Variants in DPYD observed in about 807,000 individuals in gnomAD.
The protein encoded by DPYD is dihydropyrimidine dehydrogenase.
Under a neutral mutation model 116.2 loss-of-function variants are expected in DPYD, and 109 were observed. That is an observed-to-expected ratio of 0.94 (90% confidence interval 0.80 to 1.10). The LOEUF (loss-of-function observed/expected upper bound fraction) is 1.10, where lower values mean the gene tolerates loss of function less well. DPYD is among the 50% of genes least tolerant of loss of function. The probability of loss-of-function intolerance (pLI) is 0.00; values close to 1 mark genes in which losing one functional copy is unlikely to be tolerated. For missense variants in DPYD, 1,302 were observed against 1,254.5 expected (o/e 1.04, Z -0.57); for synonymous variants, 440 against 432.0 (o/e 1.02, Z -0.23).
At chr1:97,681,555 C>T (rs1660428573) in intron 7 of DPYD, among the ~76,000 whole-genome samples, 2 of 152,006 alleles carry the variant, frequency 1.3e-5, no homozygotes, top group Non-Finnish European at 2.9e-5. Flanking sequence ...TATCAAAAAA[C>T]ATTAAACTGG....
At chr1:97,718,085 G>C (rs1662713426) in intron 5 of DPYD, among the ~76,000 whole-genome samples, 1 of 151,936 alleles carries the variant, frequency 6.6e-6, no homozygotes, top group South Asian at 2.1e-4. Context: ...CTTCCCACCA[G>C]CAATGTGAAA....
intron 3 of DPYD, among the ~76,000 whole-genome samples, chr1:97,751,311 C>T (rs1372846708): frequency 1.4e-5 from 2 of 147,708 alleles, no homozygotes; most frequent in Non-Finnish European, 3.0e-5. Flanking sequence ...TATATATACA[C>T]ATATATACAT....
intron 14 of DPYD, among the ~76,000 whole-genome samples, chr1:97,448,203 C>A (rs1460016246): frequency 6.6e-6 from 1 of 152,074 alleles, no homozygotes; most frequent in Non-Finnish European, 1.5e-5. Context: ...GGCGGGGGGA[C>A]CCATCTCTAG....
intron 14 of DPYD, among the ~76,000 whole-genome samples, chr1:97,412,174 A>G (rs1343445464): frequency 1.3e-5 from 2 of 152,200 alleles, no homozygotes; most frequent in Admixed American, 6.5e-5. Context: ...ACATTTAACT[A>G]TAATCAATGC....
intron 15 of DPYD, among the ~76,000 whole-genome samples, chr1:97,376,957 G>A (rs980362517): frequency 1.4e-5 from 2 of 147,970 alleles, no homozygotes; most frequent in Non-Finnish European, 3.0e-5. Flanking sequence ...CTCCATCCTA[G>A]CTGTGTGAAC....
intron 20 of DPYD, among the ~76,000 whole-genome samples, chr1:97,187,852 T>C (rs1570629250): frequency 1.3e-5 from 2 of 152,180 alleles, no homozygotes; most frequent in Non-Finnish European, 1.5e-5. Context: ...GTATACTTTT[T>C]GTCAACTTTG....
intron 20 of DPYD, among the ~76,000 whole-genome samples, chr1:97,192,611 C>A (rs1444769413): frequency 3.3e-5 from 5 of 152,066 alleles, no homozygotes; most frequent in Admixed American, 6.5e-5. Context: ...CCGTTTGAGA[C>A]CGGGTTTAAC....
At chr1:97,697,822 A>T (rs1661390134) in intron 6 of DPYD, among the ~76,000 whole-genome samples, 1 of 152,096 alleles carries the variant, frequency 6.6e-6, no homozygotes, top group South Asian at 2.1e-4. Flanking sequence ...ATACATAGTA[A>T]GTTACAAATA....
intron 19 of DPYD, among the ~76,000 whole-genome samples, chr1:97,230,462 GA>G (rs1661510733): frequency 6.6e-6 from 1 of 152,070 alleles, no homozygotes. Flanking sequence ...AGAGGGGAAT[GA>G]CACACACTGG....
chr1:97,092,117 G>C (rs1243844568), intron 21 of DPYD, among the ~76,000 whole-genome samples: 1 of 152,018 alleles, frequency 6.6e-6, no homozygotes, highest in Non-Finnish European at 1.5e-5. Context: ...TCCTAAGCTT[G>C]TTCTATTTTC....
chr1:97,428,454 G>A (rs935117503), intron 14 of DPYD, among the ~76,000 whole-genome samples: 5 of 152,054 alleles, frequency 3.3e-5, no homozygotes, highest in African/African-American at 4.8e-5. Flanking sequence ...TTATGTAAAT[G>A]AATACAATGA....
chr1:97,587,566 C>A (rs755690634), intron 10 of DPYD, among the ~76,000 whole-genome samples: 3 of 152,090 alleles, frequency 2.0e-5, no homozygotes, highest in Non-Finnish European at 4.4e-5. Context: ...TGGCTCACAC[C>A]GGTAATCCCC....
At chr1:97,640,243 T>C (rs1237447346) in intron 8 of DPYD, among the ~76,000 whole-genome samples, 1 of 151,492 alleles carries the variant, frequency 6.6e-6, no homozygotes, top group African/African-American at 2.4e-5. Context: ...CATTTAAGAT[T>C]TTTTTTTATT....
chr1:97,451,461 AT>A (rs1453720081), intron 13 of DPYD, among the ~76,000 whole-genome samples: 1 of 152,224 alleles, frequency 6.6e-6, no homozygotes, highest in Non-Finnish European at 1.5e-5. Context: ...AAATGTTACA[AT>A]AAGCCTCCTT....
intron 3 of DPYD, among the ~76,000 whole-genome samples, chr1:97,812,656 T>A (rs1668394585): frequency 6.6e-6 from 1 of 152,090 alleles, no homozygotes; most frequent in Admixed American, 6.6e-5. Context: ...TTTGGCATTT[T>A]AAAAAATACT....
At chr1:97,849,244 T>G (rs775570781) in intron 2 of DPYD, among the ~76,000 whole-genome samples, 1 of 152,184 alleles carries the variant, frequency 6.6e-6, no homozygotes, top group Non-Finnish European at 1.5e-5. Context: ...AATAAAAATA[T>G]AGACATATAG....
intron 8 of DPYD, among the ~76,000 whole-genome samples, chr1:97,663,983 A>G (rs900020282): frequency 6.6e-6 from 1 of 152,216 alleles, no homozygotes; most frequent in African/African-American, 2.4e-5. Context: ...ATTGTGGGAA[A>G]AAAGGAATAG....
intron 8 of DPYD, among the ~76,000 whole-genome samples, chr1:97,664,750 T>C (rs1043464765): frequency 2.6e-5 from 4 of 152,076 alleles, no homozygotes; most frequent in Non-Finnish European, 4.4e-5. Context: ...TGAAAATAAC[T>C]TTAAGATAAT....
chr1:97,232,861 T>G (rs546214997), intron 19 of DPYD, among the ~76,000 whole-genome samples: 12 of 152,330 alleles, frequency 7.9e-5, no homozygotes, highest in African/African-American at 2.9e-4. Context: ...TTAAAATATC[T>G]GACAGATAAT....
Sources: gnomAD v4.1 joint callset for allele counts (sites outside exome capture counted in the v4.1 genomes callset) on GRCh38, gnomAD v4.1.1 for gene constraint, MANE v1.5 for transcripts, NCBI Gene and HGNC (gene_info 2026-07-23, HGNC 2026-07-21) for gene names.